SYN3: variants seen among roughly 807,000 people sequenced by gnomAD.
The protein encoded by SYN3 is synapsin III.
Under a neutral mutation model 65.8 loss-of-function variants are expected in SYN3, and 35 were observed. That is an observed-to-expected ratio of 0.53 (90% confidence interval 0.41 to 0.70). The LOEUF is 0.70. Ranked by LOEUF, SYN3 falls within the 30% of genes least tolerant of loss-of-function variation. SYN3 has a pLI of 0.00. For synonymous variants in SYN3, 270 were observed against 292.9 expected, an observed-to-expected ratio of 0.92 and a Z score of 0.80; for missense variants, 680 against 749.0, an observed-to-expected ratio of 0.91 and a Z score of 1.08.
At chr22:32,656,505 C>T (rs2060143825) in intron 6 of SYN3, among the ~76,000 whole-genome samples, 1 of 152,136 alleles carries the variant, frequency 6.6e-6, no homozygotes, top group Admixed American at 6.5e-5. Flanking sequence ...GAAACTTACC[C>T]AGCATGTGCT....
Position 32,716,680 on chromosome 22 carries a change from G to A in SYN3, c.712-119944C>T, listed in dbSNP as rs563357795. On this transcript the variant is annotated intron_variant, in intron 6 of 13. Coordinates refer to ENST00000358763, the MANE Select transcript of SYN3 (RefSeq NM_003490.4). Reference sequence around the variant, plus strand: ...GGAGTGGCTGGAACTACAGGTGCACGACACCATACCCGGCTAATTTTTTGT... The same window carrying A: ...GGAGTGGCTGGAACTACAGGTGCACAACACCATACCCGGCTAATTTTTTGT... Among the ~76,000 whole-genome samples the A allele has an allele frequency of 1.8e-3, 273 of 148,526 alleles. 5 individuals carry two copies. Among genetic ancestry groups the A allele is most frequent in the African/African-American group, 6.1e-3 (249 of 40,744 alleles).
Position 32,739,376 on chromosome 22 carries a change from C to CT in SYN3, c.711+125538dup, listed in dbSNP as rs3070577. ...GAACTGTGAGTCCATTAAACCCCCC[C>CT]TTTTTTTTTTTTTTATAAATTACCC... On this transcript the variant is annotated intron_variant, in intron 6 of 13. Coordinates refer to ENST00000358763, the MANE Select transcript of SYN3 (RefSeq NM_003490.4). Among the ~76,000 whole-genome samples the CT allele has an allele frequency of 1.9e-3, 265 of 138,972 alleles. 1 individual carries two copies. The highest frequency in any genetic ancestry group is 6.4e-3 in the African/African-American group (244 of 37,980). The allele number at this position is 138,972 out of a possible 152,430, so 91.2% of individuals were successfully genotyped here.
At chr22:32,982,176 CA>C (rs2052391509) in intron 2 of SYN3, among the ~76,000 whole-genome samples, 2 of 152,160 alleles carry the variant, frequency 1.3e-5, no homozygotes, top group Admixed American at 1.3e-4. Context: ...GGGAATCCTA[CA>C]AAAATAAATA....
intron 7 of SYN3, among the ~76,000 whole-genome samples, chr22:32,553,514 C>T (rs1370959175): frequency 6.6e-6 from 1 of 152,178 alleles, no homozygotes; most frequent in Non-Finnish European, 1.5e-5. Flanking sequence ...AGAAATGGGT[C>T]TCATTCTGTC....
At chr22:32,572,502 T>TCCCC (rs1252606530) in intron 7 of SYN3, among the ~76,000 whole-genome samples, 4 of 22,928 alleles carry the variant, frequency 1.7e-4, no homozygotes, top group Admixed American at 5.9e-4. Context: ...CTTCCTTCCT[T>TCCCC]CCTCCCTCCC....
intron 4 of SYN3, among the ~76,000 whole-genome samples, chr22:32,889,618 T>C (rs1333639977): frequency 1.3e-5 from 2 of 152,186 alleles, no homozygotes; most frequent in Non-Finnish European, 2.9e-5. Context: ...AATCAACGCA[T>C]ATATTTGTAA....
At chr22:33,043,239 G>A (rs929846438) in intron 1 of SYN3, among the ~76,000 whole-genome samples, 1 of 152,072 alleles carries the variant, frequency 6.6e-6, no homozygotes, top group African/African-American at 2.4e-5. Context: ...AGGTTAGTGC[G>A]GCATACTGTT....
intron 9 of SYN3, among the ~76,000 whole-genome samples, chr22:32,535,122 C>T (rs575055097): frequency 3.9e-5 from 6 of 152,248 alleles, no homozygotes; most frequent in South Asian, 2.1e-4. Flanking sequence ...AGGCTCAGAG[C>T]GATGATTAAG....
intron 6 of SYN3, among the ~76,000 whole-genome samples, chr22:32,605,415 G>A (rs1037291077): frequency 3.3e-5 from 5 of 152,172 alleles, no homozygotes; most frequent in Non-Finnish European, 7.3e-5. Context: ...CTGTAGAGCA[G>A]GCTTTAGGAA....
chr22:32,787,024 G>A (rs116157582), intron 6 of SYN3, among the ~76,000 whole-genome samples: 3 of 150,376 alleles, frequency 2.0e-5, no homozygotes, highest in Non-Finnish European at 4.4e-5. Flanking sequence ...CATCCCGAAT[G>A]TGCCAACTTC....
intron 6 of SYN3, among the ~76,000 whole-genome samples, chr22:32,740,943 C>T (rs533732351): frequency 5.3e-5 from 8 of 152,062 alleles, no homozygotes; most frequent in African/African-American, 1.2e-4. Context: ...AACTGAAAAT[C>T]GCAGTCCCGT....
At position 32,580,066 on chromosome 22, in the gene SYN3, C is replaced by G. The variant is rs117084535; in HGVS notation, c.774+16608G>C. On this transcript the variant is annotated intron_variant, in intron 7 of 13. Coordinates refer to ENST00000358763, the MANE Select transcript of SYN3 (RefSeq NM_003490.4). ...GACAGGGCTTTCCGCTGTCCAGGGC[C>G]CTGGCCTAGGCGGGGAGGGGAGCTG... is the stretch of plus-strand genomic sequence containing the variant. Among the ~76,000 whole-genome samples, 311 of 152,316 alleles carry G rather than the reference C, an allele frequency of 2.0e-3. 7 individuals are homozygous for G. The East Asian group carries it at 0.045, about 22-fold the overall frequency.
chr22:32,877,053 G>A (rs1185149414), intron 4 of SYN3, among the ~76,000 whole-genome samples: 1 of 152,198 alleles, frequency 6.6e-6, no homozygotes, highest in Non-Finnish European at 1.5e-5. Flanking sequence ...CCCTTCCTCT[G>A]TCCATTGCTA....
intron 1 of SYN3, among the ~76,000 whole-genome samples, chr22:33,028,670 G>GTGGTGGTGGTGGTGGTGGTGA (rs1428101425): frequency 3.4e-3 from 405 of 117,638 alleles, no homozygotes; most frequent in East Asian, 0.013. Flanking sequence ...GGTGGTGGTG[G>GTGGTGGTGGTGGTGGTGGTGA]TGGTGGTGGT....
rs148792587 is a variant in SYN3, at chr22:32,513,774, C to A, written c.1661G>T (p.Arg554Leu). The A allele has an allele frequency of 4.3e-6, 7 of 1,614,026 alleles. No individual in the cohort carries two copies. Among genetic ancestry groups the A allele is most frequent in the East Asian group, 4.5e-5 (2 of 44,884 alleles). ...GGCCTCGTCTTCACTTGGGGTCCCA[C>A]GCTGGGAGGTGTCGGATGTGCTGAG... Reference protein sequence around the residue: ...NSLSTSDTSQRGTPSEDEAKA... With the variant: ...NSLSTSDTSQLGTPSEDEAKA... Residue 554 changes from arginine to leucine, a missense_variant, in exon 14 of 14, where the codon CGT becomes CTT. Arg to Leu is a moderately radical substitution (Grantham distance 102, BLOSUM62 -2). Coordinates refer to ENST00000358763, the MANE Select transcript of SYN3 (RefSeq NM_003490.4).
intron 13 of SYN3, among the ~76,000 whole-genome samples, chr22:32,514,820 T>C (rs2057744096): frequency 6.6e-6 from 1 of 152,142 alleles, no homozygotes; most frequent in African/African-American, 2.4e-5. Context: ...ATCGAGACCA[T>C]CCTGGCTAAC....
rs928016031 is a variant in SYN3, at chr22:32,541,456, A to G, written c.917+115T>C. The G allele has an allele frequency of 7.7e-6, 10 of 1,300,642 alleles. No homozygotes were observed. The Admixed American group carries it at 1.6e-4, about 21-fold the overall frequency. 80.6% of individuals were successfully genotyped at this position (1,300,642 alleles called of 1,614,324 possible). A position where few individuals can be genotyped will look rare whatever the true frequency, so the allele number is the denominator to read the frequency against. On this transcript the variant is annotated intron_variant, in intron 8 of 13. Transcript: ENST00000358763. ...CACTGGACAGAGAAGAAGGGCAGTAAGGAGACAGGAAGGAGGATAATGATG... is the reference window on the plus strand; with the variant it reads ...CACTGGACAGAGAAGAAGGGCAGTAGGGAGACAGGAAGGAGGATAATGATG...
intron 3 of SYN3, among the ~76,000 whole-genome samples, chr22:32,977,836 A>G (rs1397155863): frequency 6.6e-6 from 1 of 152,082 alleles, no homozygotes; most frequent in African/African-American, 2.4e-5. Flanking sequence ...CATCCTGCAA[A>G]TATTTCCTTC....
intron 4 of SYN3, among the ~76,000 whole-genome samples, chr22:32,904,781 G>A (rs1043258121): frequency 1.1e-4 from 16 of 152,154 alleles, no homozygotes; most frequent in Non-Finnish European, 2.1e-4. Flanking sequence ...CTTTCAGGTG[G>A]GGTAAGATGT....
Sources: gnomAD v4.1 joint callset for allele counts (sites outside exome capture counted in the v4.1 genomes callset) on GRCh38, gnomAD v4.1.1 for gene constraint, MANE v1.5 for transcripts, NCBI Gene and HGNC (gene_info 2026-07-23, HGNC 2026-07-21) for gene names.